The following SLC25A43 variants were observed in gnomAD, a reference collection of about 807,000 sequenced individuals.
SLC25A43 encodes solute carrier family 25 member 43.
Under a neutral mutation model 22.8 loss-of-function variants are expected in SLC25A43, and 10 were observed. The observed-to-expected ratio is 0.44, with a 90% CI of 0.27 to 0.74. SLC25A43 has a LOEUF of 0.74. Ranked by LOEUF, SLC25A43 falls within the 30% of genes least tolerant of loss-of-function variation. SLC25A43 has a pLI of 0.17. For synonymous variants in SLC25A43, 106 were observed against 121.6 expected, an observed-to-expected ratio of 0.87 and a Z score of 0.84; for missense variants, 233 against 279.1, an observed-to-expected ratio of 0.83 and a Z score of 1.18.
In SLC25A43 at chrX:119,453,540, TG is replaced by T. The variant is rs1238701929; in HGVS notation, c.*476del. 2 of 125,141 alleles carry T rather than the reference TG, an allele frequency of 1.6e-5. No individual in the cohort carries two copies. Among genetic ancestry groups the T allele is most frequent in the African/African-American group, 6.4e-5 (2 of 31,031 alleles). 10.3% of individuals were successfully genotyped at this position (125,141 alleles called of 1,213,427 possible). ...GACTTTCCAATACAATCTGTTGTTT[TG>T]TTTTGTTTTTAGAGACAGGGTCTTG... On this transcript the variant is annotated 3_prime_UTR_variant, in exon 5 of 5. Transcript: ENST00000217909.
intron 1 of SLC25A43, 104 bp downstream of exon 1, chrX:119,399,782 AGGGAC>A: frequency 1.1e-6 from 1 of 881,879 alleles, no homozygotes; most frequent in Non-Finnish European, 1.4e-6. Context: ...GCCCTGGAGT[AGGGAC>A]GGCCCCCTTG....
chrX:119,442,548 G>A (rs1473388662), intron 3 of SLC25A43, among the ~76,000 whole-genome samples: 1 of 111,956 alleles, frequency 8.9e-6, no homozygotes, highest in East Asian at 2.8e-4. Flanking sequence ...TTGTGATTAG[G>A]CAGATTCTTT....
chrX:119,435,584 G>C (rs1399666809), intron 3 of SLC25A43, among the ~76,000 whole-genome samples: 1 of 53,526 alleles, frequency 1.9e-5, no homozygotes, highest in African/African-American at 7.5e-5. Context: ...GTGTCATCTA[G>C]CATTAGGTAT....
chrX:119,424,833 C>T (rs765084275), intron 3 of SLC25A43, among the ~76,000 whole-genome samples: 1 of 112,899 alleles, frequency 8.9e-6, no homozygotes, highest in African/African-American at 3.2e-5. Context: ...TTGCTTTGCC[C>T]TCACATGGTG....
chrX:119,432,399 G>A (rs897283581), intron 3 of SLC25A43, among the ~76,000 whole-genome samples: 3 of 111,619 alleles, frequency 2.7e-5, no homozygotes, highest in African/African-American at 6.5e-5. Flanking sequence ...GATTGGCCAC[G>A]TATAGCTAAT....
chrX:119,422,299 C>T (rs1340953217), intron 3 of SLC25A43, among the ~76,000 whole-genome samples: 2 of 111,524 alleles, frequency 1.8e-5, no homozygotes, highest in Non-Finnish European at 3.8e-5. Flanking sequence ...TCTGTCCATG[C>T]CCTACCTCTT....
At chrX:119,427,350 G>C (rs1297262035) in intron 3 of SLC25A43, among the ~76,000 whole-genome samples, 2 of 112,128 alleles carry the variant, frequency 1.8e-5, no homozygotes, top group Non-Finnish European at 3.8e-5. Flanking sequence ...GTGATCGCAG[G>C]CTTTCTGAGC....
intron 2 of SLC25A43, 36 bp from the exon 3 acceptor site, chrX:119,410,154 A>G: frequency 8.3e-7 from 1 of 1,199,305 alleles, no homozygotes; most frequent in South Asian, 1.8e-5. Context: ...TGTTTTCCCA[A>G]GACAGCAGCA....
chrX:119,414,700 C>G (rs2052383846), intron 3 of SLC25A43, among the ~76,000 whole-genome samples: 1 of 110,689 alleles, frequency 9.0e-6, no homozygotes, highest in African/African-American at 3.3e-5. Context: ...GATCCTATGA[C>G]TATTCACTTA....
intron 3 of SLC25A43, among the ~76,000 whole-genome samples, chrX:119,419,503 G>A (rs774319310): frequency 9.0e-5 from 10 of 111,599 alleles, no homozygotes; most frequent in Non-Finnish European, 1.9e-4. Flanking sequence ...GACACCTCGG[G>A]TTACCTTTGT....
intron 3 of SLC25A43, among the ~76,000 whole-genome samples, chrX:119,429,382 A>G (rs971674719): frequency 2.7e-5 from 3 of 111,665 alleles, no homozygotes; most frequent in Non-Finnish European, 5.6e-5. Context: ...TTGTTCAGTT[A>G]TTTCAGTACT....
chrX:119,406,437 C>T, intron 1 of SLC25A43, 23 bp from the exon 2 acceptor site: 2 of 1,207,191 alleles, frequency 1.7e-6, no homozygotes, highest in South Asian at 1.8e-5. Flanking sequence ...ATTTCTCTGG[C>T]CTTTCCCCCT....
intron 3 of SLC25A43, among the ~76,000 whole-genome samples, chrX:119,413,688 C>T (rs2052371107): frequency 1.0e-5 from 1 of 96,808 alleles, no homozygotes; most frequent in Admixed American, 1.2e-4. Context: ...GCCTGGGCGA[C>T]AGAGCGAGAC....
At chrX:119,410,760 GC>G (rs2052343205) in intron 3 of SLC25A43, among the ~76,000 whole-genome samples, 1 of 110,718 alleles carries the variant, frequency 9.0e-6, no homozygotes, top group African/African-American at 3.3e-5. Flanking sequence ...GTGGTGGCAG[GC>G]GCCTGTAATC....
chrX:119,428,073 C>T (rs989382173), intron 3 of SLC25A43, among the ~76,000 whole-genome samples: 5 of 112,084 alleles, frequency 4.5e-5, no homozygotes, highest in African/African-American at 1.3e-4. Flanking sequence ...TGCAAAGATC[C>T]ACATAAACTT....
chrX:119,451,164 CA>C (rs10713187), intron 3 of SLC25A43, among the ~76,000 whole-genome samples: 23,962 of 108,778 alleles, frequency 0.22, 2,328 homozygotes, highest in African/African-American at 0.35. Flanking sequence ...GACTCTGTCG[CA>C]AAAAAAATAA....
At chrX:119,444,753 C>T (rs1361520337) in intron 3 of SLC25A43, among the ~76,000 whole-genome samples, 1 of 99,693 alleles carries the variant, frequency 1.0e-5, no homozygotes, top group Non-Finnish European at 2.0e-5. Context: ...TTAAGGAACT[C>T]ACTGGGTGCA....
At chrX:119,443,445 TCTC>T (rs1468414303) in intron 3 of SLC25A43, among the ~76,000 whole-genome samples, 27 of 53,558 alleles carry the variant, frequency 5.0e-4, no homozygotes, top group South Asian at 1.2e-3. Flanking sequence ...TCTCTCTCTC[TCTC>T]TTTTTTTTTT....
chrX:119,419,754 A>G (rs1471356048), intron 3 of SLC25A43, among the ~76,000 whole-genome samples: 1 of 111,116 alleles, frequency 9.0e-6, no homozygotes, highest in Non-Finnish European at 1.9e-5. Context: ...TTTCCATTTC[A>G]ATTCCATCAT....
Sources: gnomAD v4.1 joint callset for allele counts (sites outside exome capture counted in the v4.1 genomes callset) on GRCh38, gnomAD v4.1.1 for gene constraint, MANE v1.5 for transcripts, NCBI Gene and HGNC (gene_info 2026-07-23, HGNC 2026-07-21) for gene names.